The following JAKMIP2 variants were observed in gnomAD, a reference collection of about 807,000 sequenced individuals.
JAKMIP2 encodes the protein janus kinase and microtubule-interacting protein 2.
Under a neutral mutation model 115.0 loss-of-function variants are expected in JAKMIP2, and 25 were observed. The observed-to-expected ratio is 0.22, with a 90% CI of 0.16 to 0.30. The LOEUF (loss-of-function observed/expected upper bound fraction) is 0.30, where lower values mean the gene tolerates loss of function less well. Among genes scored for constraint, JAKMIP2 ranks in the 10% least tolerant of loss-of-function variants. The probability of loss-of-function intolerance (pLI) is 1.00; values close to 1 mark genes in which losing one functional copy is unlikely to be tolerated. For synonymous variants in JAKMIP2, 334 were observed against 343.6 expected (o/e 0.97, Z 0.31); for missense variants, 642 against 957.6 (o/e 0.67, Z 4.35).
intron 1 of JAKMIP2, among the ~76,000 whole-genome samples, chr5:147,753,286 A>T (rs1354905944): frequency 6.6e-6 from 1 of 152,268 alleles, no homozygotes; most frequent in African/African-American, 2.4e-5. Context: ...AATACAAGTT[A>T]CATTACTTAA....
chr5:147,739,532 C>T (rs1754062444), intron 1 of JAKMIP2, among the ~76,000 whole-genome samples: 3 of 152,154 alleles, frequency 2.0e-5, no homozygotes, highest in South Asian at 2.1e-4. Flanking sequence ...CGAACAGAGG[C>T]TCACAGAAGA....
At chr5:147,652,456 C>T (rs1758450273) in intron 3 of JAKMIP2, among the ~76,000 whole-genome samples, 1 of 152,098 alleles carries the variant, frequency 6.6e-6, no homozygotes, top group Middle Eastern at 3.2e-3. Flanking sequence ...CAAAGCCCTA[C>T]TTAGATGGGA....
At position 147,756,356 on chromosome 5, in the gene JAKMIP2, C is replaced by T. The variant is rs542111131; in HGVS notation, c.-149+26100G>A. Among the ~76,000 whole-genome samples the T allele has an allele frequency of 2.6e-5, 4 of 152,226 alleles. No individual in the cohort carries two copies. In the South Asian group the frequency reaches 8.3e-4, roughly 32 times the overall value. On this transcript the variant is annotated intron_variant, in intron 1 of 21. Transcript: ENST00000616793. ...CCCTCACTCCTTACTCTGGTACACA[C>T]ACAAATTAGAGCATTCTAACCACCC... is the stretch of plus-strand genomic sequence containing the variant.
At chr5:147,639,234 T>G (rs1030676453) in intron 10 of JAKMIP2, among the ~76,000 whole-genome samples, 9 of 152,196 alleles carry the variant, frequency 5.9e-5, no homozygotes, top group African/African-American at 2.2e-4. Context: ...AAAATTCTGG[T>G]AAGTTGTCAT....
chr5:147,667,688 C>T (rs1470959064), intron 2 of JAKMIP2, among the ~76,000 whole-genome samples: 1 of 152,194 alleles, frequency 6.6e-6, no homozygotes, highest in African/African-American at 2.4e-5. Context: ...AAGTCCTATA[C>T]AACCTTACAC....
At chr5:147,636,778 G>A (rs1757634059) in intron 11 of JAKMIP2, among the ~76,000 whole-genome samples, 187 bp downstream of exon 11, 2 of 152,114 alleles carry the variant, frequency 1.3e-5, no homozygotes, top group South Asian at 4.1e-4. Flanking sequence ...TGTTGTGGCT[G>A]GGTTCATACT....
At chr5:147,742,153 A>ATTTTTT (rs759308175) in intron 1 of JAKMIP2, among the ~76,000 whole-genome samples, 2,652 of 110,346 alleles carry the variant, frequency 0.024, 166 homozygotes, top group Non-Finnish European at 0.031. Context: ...ATATATATAT[A>ATTTTTT]TATTTTTTTT....
At chr5:147,651,418 T>C (rs1183178545) in intron 3 of JAKMIP2, among the ~76,000 whole-genome samples, 2 of 152,178 alleles carry the variant, frequency 1.3e-5, no homozygotes. Context: ...GAAGTGAATG[T>C]CTATAAACAA....
intron 1 of JAKMIP2, among the ~76,000 whole-genome samples, chr5:147,719,963 G>A (rs1030009387): frequency 6.6e-5 from 10 of 151,998 alleles, no homozygotes; most frequent in African/African-American, 2.2e-4. Flanking sequence ...TTACATTTTG[G>A]CATGATTTTG....
chr5:147,617,373 A>AG (rs572709445), intron 19 of JAKMIP2, among the ~76,000 whole-genome samples: 128 of 152,272 alleles, frequency 8.4e-4, no homozygotes, highest in African/African-American at 3.0e-3. Context: ...CTTACCTCAT[A>AG]GGGCTATTAT....
intron 20 of JAKMIP2, among the ~76,000 whole-genome samples, chr5:147,608,694 T>C (rs1376496514): frequency 3.3e-5 from 5 of 152,186 alleles, no homozygotes; most frequent in African/African-American, 1.2e-4. Flanking sequence ...TTAGGTCTGC[T>C]TGGTCCAGAG....
At chr5:147,708,947 T>TAAAC (rs1158574046) in intron 1 of JAKMIP2, among the ~76,000 whole-genome samples, 1 of 152,188 alleles carries the variant, frequency 6.6e-6, no homozygotes, top group Non-Finnish European at 1.5e-5. Flanking sequence ...TCTCCTAAAG[T>TAAAC]AAACAACCAC....
At position 147,590,733 on chromosome 5, in the gene JAKMIP2, T is replaced by C. The variant is rs576308868; in HGVS notation, c.*974A>G. ...AAAACAGTATTTTGGAAATGAAAGA[T>C]TCAGAGATGCTCTCTGGCCCATGTT... is the stretch of plus-strand genomic sequence containing the variant. On this transcript the variant is annotated 3_prime_UTR_variant, in exon 22 of 22. Coordinates refer to ENST00000616793, the MANE Select transcript of JAKMIP2 (RefSeq NM_001270941.2). The C allele has an allele frequency of 6.6e-6, 1 of 152,326 alleles. No individual in the cohort carries two copies. The highest frequency in any genetic ancestry group is 1.5e-5 in the Non-Finnish European group (1 of 68,030). 9.4% of individuals were successfully genotyped at this position (152,326 alleles called of 1,614,324 possible). A position where few individuals can be genotyped will look rare whatever the true frequency, so the allele number is the denominator to read the frequency against.
At chr5:147,754,967 A>G (rs773700673) in intron 1 of JAKMIP2, among the ~76,000 whole-genome samples, 1 of 152,158 alleles carries the variant, frequency 6.6e-6, no homozygotes, top group South Asian at 2.1e-4. Context: ...AGGTGTGCAC[A>G]TGAAGAGCAG....
chr5:147,609,115 T>C (rs1756178897), intron 20 of JAKMIP2, among the ~76,000 whole-genome samples: 1 of 152,210 alleles, frequency 6.6e-6, no homozygotes, highest in Admixed American at 6.5e-5. Flanking sequence ...CTAATGGGTT[T>C]TGACTTTTTA....
intron 1 of JAKMIP2, among the ~76,000 whole-genome samples, chr5:147,780,815 C>A (rs1047027902): frequency 2.6e-5 from 4 of 151,850 alleles, no homozygotes; most frequent in Non-Finnish European, 5.9e-5. Context: ...GACTAAAGAC[C>A]CAAACAATTG....
intron 5 of JAKMIP2, among the ~76,000 whole-genome samples, 187 bp from the exon 6 acceptor site, chr5:147,645,183 T>C (rs1216973029): frequency 6.6e-6 from 1 of 152,196 alleles, no homozygotes; most frequent in Non-Finnish European, 1.5e-5. Flanking sequence ...CAGTTTTCTC[T>C]AACGGTTTTT....
intron 1 of JAKMIP2, among the ~76,000 whole-genome samples, chr5:147,759,484 A>C (rs1179029741): frequency 1.3e-5 from 2 of 152,110 alleles, no homozygotes; most frequent in African/African-American, 2.4e-5. Flanking sequence ...GGATATGAAA[A>C]TGAACAAAGA....
rs552145020 is a variant in JAKMIP2, at chr5:147,642,445, A to G, written c.1225-681T>C. 2.0e-5 allele frequency among the ~76,000 whole-genome samples: 3 copies of G among 152,284 alleles called. No individual in the cohort carries two copies. The South Asian group carries it at 6.2e-4, about 32-fold the overall frequency. ...AGCACTCCATGTATTTACTGTAAAA[A>G]TTTAAACTAGATAGAATGTCTTTTG... On this transcript the variant is annotated intron_variant, in intron 7 of 21. Transcript: ENST00000616793.
Sources: allele counts gnomAD v4.1 joint callset (sites outside exome capture counted in the v4.1 genomes callset), GRCh38; gene constraint gnomAD v4.1.1; transcripts MANE v1.5; gene names NCBI Gene and HGNC (gene_info 2026-07-23, HGNC 2026-07-21).